Variants in TCF7L2 observed in about 807,000 individuals in gnomAD.
The protein encoded by TCF7L2 is transcription factor 7 like 2.
In TCF7L2, 23 loss-of-function variants were observed where a neutral mutation model predicts 77.9. The ratio of observed to expected loss-of-function variants is 0.30; its 90% confidence interval spans 0.21 to 0.42. The LOEUF is 0.42. Among genes scored for constraint, TCF7L2 ranks in the 10% least tolerant of loss-of-function variants. The pLI is 1.00. For missense variants in TCF7L2, 654 were observed against 793.1 expected (o/e 0.82, Z 2.11); for synonymous variants, 413 against 340.2 (o/e 1.21, Z -2.36).
intron 5 of TCF7L2, among the ~76,000 whole-genome samples, chr10:113,122,041 C>T (rs1391800860): frequency 2.0e-5 from 3 of 152,210 alleles, no homozygotes; most frequent in African/African-American, 7.2e-5. Flanking sequence ...GCACATTTTA[C>T]TCTGAACTTA....
chr10:112,986,126 T>A (rs1382090298), intron 4 of TCF7L2, among the ~76,000 whole-genome samples: 1 of 151,958 alleles, frequency 6.6e-6, no homozygotes, highest in Non-Finnish European at 1.5e-5. Context: ...TCTTGGTGGT[T>A]ATGTGGGTAC....
chr10:113,116,760 A>G (rs550274510), intron 5 of TCF7L2, among the ~76,000 whole-genome samples: 8 of 151,972 alleles, frequency 5.3e-5, no homozygotes, highest in Non-Finnish European at 1.2e-4. Flanking sequence ...TAGATTTTAA[A>G]TCATACATTT....
At chr10:112,995,886 G>A (rs1400889015) in intron 4 of TCF7L2, among the ~76,000 whole-genome samples, 3 of 152,036 alleles carry the variant, frequency 2.0e-5, no homozygotes, top group South Asian at 2.1e-4. Context: ...ATTGTCTAGG[G>A]GCTCCAGAAA....
chr10:113,060,626 T>C (rs1293471524), intron 5 of TCF7L2, among the ~76,000 whole-genome samples: 1 of 151,912 alleles, frequency 6.6e-6, no homozygotes, highest in East Asian at 1.9e-4. Flanking sequence ...GGAAGTCACT[T>C]CCTTAACCCA....
chr10:113,009,575 C>T (rs1452001763), intron 4 of TCF7L2, among the ~76,000 whole-genome samples: 1 of 152,230 alleles, frequency 6.6e-6, no homozygotes, highest in Admixed American at 6.5e-5. Flanking sequence ...GGAACATATC[C>T]TGGGGTGTTG....
intron 5 of TCF7L2, among the ~76,000 whole-genome samples, chr10:113,108,760 G>T (rs1475306653): frequency 6.6e-6 from 1 of 152,188 alleles, no homozygotes; most frequent in African/African-American, 2.4e-5. Flanking sequence ...CGTCATTTCT[G>T]CAGGGAGGTT....
intron 4 of TCF7L2, among the ~76,000 whole-genome samples, chr10:112,992,768 CTTTT>C (rs1439965136): frequency 6.9e-6 from 1 of 145,210 alleles, no homozygotes. Flanking sequence ...ATTTTTCTTT[CTTTT>C]TTTTTTTTTG....
intron 5 of TCF7L2, among the ~76,000 whole-genome samples, chr10:113,093,057 C>T (rs147917850): frequency 9.5e-4 from 145 of 152,310 alleles, no homozygotes; most frequent in African/African-American, 3.3e-3. Context: ...GCAATTCTTG[C>T]ATCTGCAAAA....
chr10:113,000,201 A>G (rs996630841), intron 4 of TCF7L2, among the ~76,000 whole-genome samples: 70 of 152,180 alleles, frequency 4.6e-4, no homozygotes, highest in African/African-American at 1.7e-3. Flanking sequence ...CAGATCTGAG[A>G]CGAGTCTCAC....
intron 4 of TCF7L2, among the ~76,000 whole-genome samples, chr10:113,016,558 C>T (rs763994763): frequency 2.0e-5 from 3 of 152,006 alleles, no homozygotes; most frequent in Non-Finnish European, 2.9e-5. Context: ...TTTGGCATGC[C>T]GAGGCGGGCA....
intron 4 of TCF7L2, among the ~76,000 whole-genome samples, chr10:112,979,920 A>G (rs973712501): frequency 5.9e-5 from 9 of 152,238 alleles, no homozygotes; most frequent in African/African-American, 2.4e-5. Context: ...GCCCCAGCAC[A>G]TTTAGCCCAT....
At chr10:112,959,564 AGTTATT>A (rs1210134795) in intron 3 of TCF7L2, among the ~76,000 whole-genome samples, 1 of 152,202 alleles carries the variant, frequency 6.6e-6, no homozygotes, top group Non-Finnish European at 1.5e-5. Flanking sequence ...GCTGTCGTTA[AGTTATT>A]GTTTAGGGAT....
At chr10:112,951,637 G>GCTGC (rs1403161334) in intron 3 of TCF7L2, 30 bp downstream of exon 3, 37 of 911,122 alleles carry the variant, frequency 4.1e-5, no homozygotes, top group Non-Finnish European at 4.5e-5. Flanking sequence ...GCCCCCGCCC[G>GCTGC]CTGCCCGCCC....
intron 5 of TCF7L2, among the ~76,000 whole-genome samples, chr10:113,057,942 A>G (rs529427800): frequency 4.2e-4 from 64 of 152,316 alleles, no homozygotes; most frequent in Admixed American, 2.2e-3. Context: ...GCTGTTTGAG[A>G]TGGAGGGTCA....
chr10:113,127,757 A>G (rs1424351979), intron 5 of TCF7L2, among the ~76,000 whole-genome samples: 1 of 152,026 alleles, frequency 6.6e-6, no homozygotes, highest in African/African-American at 2.4e-5. Context: ...AATATCCGGA[A>G]AGAGTTTCTG....
chr10:113,071,732 A>G (rs1317771114), intron 5 of TCF7L2, among the ~76,000 whole-genome samples: 1 of 152,164 alleles, frequency 6.6e-6, no homozygotes, highest in East Asian at 1.9e-4. Flanking sequence ...CCCTAGGCTC[A>G]TAGGCCTAGC....
intron 4 of TCF7L2, among the ~76,000 whole-genome samples, chr10:113,001,352 T>C (rs1042562179): frequency 6.6e-6 from 1 of 152,158 alleles, no homozygotes; most frequent in Non-Finnish European, 1.5e-5. Flanking sequence ...AATAGAAACT[T>C]TGAAATAAGA....
intron 5 of TCF7L2, among the ~76,000 whole-genome samples, chr10:113,131,448 T>C (rs2066589939): frequency 6.6e-6 from 1 of 152,184 alleles, no homozygotes. Context: ...GTGTTGCAAA[T>C]GTGTATGTTG....
At chr10:113,102,427 G>GTT (rs759557227) in intron 5 of TCF7L2, among the ~76,000 whole-genome samples, 26 of 141,514 alleles carry the variant, frequency 1.8e-4, no homozygotes, top group African/African-American at 4.9e-4. Context: ...TTGTTTGTTT[G>GTT]TTTTTTTTTT....
Sources: gnomAD v4.1 joint callset for allele counts (sites outside exome capture counted in the v4.1 genomes callset) on GRCh38, gnomAD v4.1.1 for gene constraint, MANE v1.5 for transcripts, NCBI Gene and HGNC (gene_info 2026-07-23, HGNC 2026-07-21) for gene names.